SLC4A4: variants seen among roughly 807,000 people sequenced by gnomAD.
SLC4A4 encodes electrogenic sodium bicarbonate cotransporter 1.
SLC4A4 carries 27 observed loss-of-function variants against 111.5 expected under a neutral mutation model. The ratio of observed to expected loss-of-function variants is 0.24; its 90% CI spans 0.18 to 0.33. The LOEUF is 0.33. SLC4A4 is among the 10% of genes least tolerant of loss of function. The probability of loss-of-function intolerance (pLI) is 1.00; values close to 1 mark genes in which losing one functional copy is unlikely to be tolerated. For missense variants in SLC4A4, 909 were observed against 1,315.5 expected, an observed-to-expected ratio of 0.69 and a Z score of 4.78; for synonymous variants, 443 against 463.4, an observed-to-expected ratio of 0.96 and a Z score of 0.57.
intron 6 of SLC4A4, among the ~76,000 whole-genome samples, chr4:71,377,272 G>A (rs1469186523): frequency 6.6e-6 from 1 of 152,180 alleles, no homozygotes; most frequent in Admixed American, 6.5e-5. Flanking sequence ...AATATATGCT[G>A]AATGAATGAA....
intron 1 of SLC4A4, among the ~76,000 whole-genome samples, chr4:71,212,980 T>C (rs1718222085): frequency 6.6e-6 from 1 of 152,240 alleles, no homozygotes; most frequent in African/African-American, 2.4e-5. Flanking sequence ...GTACTTACTA[T>C]TGTATTATAA....
intron 2 of SLC4A4, among the ~76,000 whole-genome samples, chr4:71,157,041 T>C (rs1478515594): frequency 6.6e-6 from 1 of 152,180 alleles, no homozygotes; most frequent in Non-Finnish European, 1.5e-5. Context: ...ATAGCTTAAT[T>C]ATGGCTGGAT....
intron 16 of SLC4A4, among the ~76,000 whole-genome samples, chr4:71,517,228 A>T (rs1033526434): frequency 2.6e-5 from 4 of 151,796 alleles, no homozygotes; most frequent in Non-Finnish European, 4.4e-5. Context: ...CTATAACTTG[A>T]ATATTTGTTC....
At chr4:71,452,176 T>G (rs745448547) in intron 11 of SLC4A4, among the ~76,000 whole-genome samples, 6 of 152,140 alleles carry the variant, frequency 3.9e-5, no homozygotes, top group African/African-American at 7.2e-5. Flanking sequence ...TTCATTCTCC[T>G]GATGACCCAC....
chr4:71,423,226 C>G (rs1267133078), intron 7 of SLC4A4, among the ~76,000 whole-genome samples: 1 of 152,124 alleles, frequency 6.6e-6, no homozygotes, highest in African/African-American at 2.4e-5. Context: ...CATGAGTGAA[C>G]TCCCATTAAC....
chr4:71,404,619 T>A (rs1720671578), intron 7 of SLC4A4, among the ~76,000 whole-genome samples: 1 of 152,182 alleles, frequency 6.6e-6, no homozygotes. Context: ...GATGGACGTA[T>A]ACTCTCACAT....
chr4:71,270,341 C>T (rs111705018), intron 3 of SLC4A4, among the ~76,000 whole-genome samples: 2 of 152,256 alleles, frequency 1.3e-5, no homozygotes, highest in African/African-American at 2.4e-5. Context: ...CCGCCCGCCT[C>T]GGCCTCCCAA....
At chr4:71,102,795 G>A (rs1368266638) in intron 2 of SLC4A4, among the ~76,000 whole-genome samples, 14 of 151,562 alleles carry the variant, frequency 9.2e-5, no homozygotes, top group South Asian at 2.1e-4. Context: ...AGGAACAACC[G>A]GTACCAGCTG....
chr4:71,388,765 G>A (rs1347327700), intron 6 of SLC4A4, among the ~76,000 whole-genome samples: 1 of 152,044 alleles, frequency 6.6e-6, no homozygotes, highest in Non-Finnish European at 1.5e-5. Context: ...TGCTCAGGGT[G>A]GTCTTGAACT....
chr4:71,129,559 A>C (rs55975537), intron 2 of SLC4A4, among the ~76,000 whole-genome samples: 44 of 152,206 alleles, frequency 2.9e-4, no homozygotes, highest in African/African-American at 1.0e-3. Flanking sequence ...CAGTTTGGCA[A>C]TTTCTTAAAG....
intron 2 of SLC4A4, among the ~76,000 whole-genome samples, chr4:71,173,659 GC>G (rs1416918900): frequency 2.0e-5 from 3 of 152,168 alleles, no homozygotes; most frequent in Non-Finnish European, 4.4e-5. Flanking sequence ...ACAGGCATAA[GC>G]CACTGTGCCT....
intron 20 of SLC4A4, among the ~76,000 whole-genome samples, chr4:71,550,940 A>C (rs1001453104): frequency 1.4e-4 from 21 of 151,910 alleles, no homozygotes; most frequent in Admixed American, 4.6e-4. Flanking sequence ...CCTAGCCAGC[A>C]ACAGTCATAC....
chr4:71,290,747 A>G (rs1336995585), intron 3 of SLC4A4, among the ~76,000 whole-genome samples: 1 of 152,146 alleles, frequency 6.6e-6, no homozygotes, highest in East Asian at 1.9e-4. Flanking sequence ...GGTGATTTTT[A>G]TATTATGTGG....
intron 2 of SLC4A4, among the ~76,000 whole-genome samples, chr4:71,243,974 A>AT (rs1176929385): frequency 6.6e-6 from 1 of 152,178 alleles, no homozygotes; most frequent in African/African-American, 2.4e-5. Flanking sequence ...GAGGTTTTAA[A>AT]TTTTAGTAAC....
intron 1 of SLC4A4, among the ~76,000 whole-genome samples, chr4:71,078,128 T>C (rs1008491382): frequency 3.3e-5 from 5 of 152,184 alleles, no homozygotes; most frequent in Non-Finnish European, 7.4e-5. Flanking sequence ...AGGAGTACTA[T>C]GGTCTCATAA....
At chr4:71,242,998 A>C (rs1377459006) in intron 2 of SLC4A4, among the ~76,000 whole-genome samples, 1 of 152,128 alleles carries the variant, frequency 6.6e-6, no homozygotes, top group Non-Finnish European at 1.5e-5. Context: ...TATGAAATCT[A>C]ATTTTCACAG....
chr4:71,122,313 C>CA lies in SLC4A4; in HGVS notation c.-2+29544dup, dbSNP rs10611413. 4.1e-3 allele frequency among the ~76,000 whole-genome samples: 479 copies of CA among 117,290 alleles called. 6 individuals are homozygous for CA. The highest frequency in any genetic ancestry group is 0.02 in the South Asian group (72 of 3,528). 76.9% of individuals were successfully genotyped at this position (117,290 alleles called of 152,430 possible). A position where few individuals can be genotyped will look rare whatever the true frequency, so the allele number is the denominator to read the frequency against. On this transcript the variant is annotated intron_variant, in intron 2 of 26. Coordinates refer to the SLC4A4 transcript ENST00000649996. Reference sequence around the variant, plus strand: ...GGAAGACAAAAGCAAGACTCTGTCTCAAAAAAAAAAAAAAAAAAAAAAATT... The same window carrying CA: ...GGAAGACAAAAGCAAGACTCTGTCTCAAAAAAAAAAAAAAAAAAAAAAAATT...
intron 14 of SLC4A4, among the ~76,000 whole-genome samples, chr4:71,483,024 G>T (rs921022213): frequency 1.3e-5 from 2 of 151,578 alleles, no homozygotes; most frequent in African/African-American, 4.8e-5. Flanking sequence ...GAAATACAGT[G>T]TAAGAAAATG....
At chr4:71,409,844 G>A (rs1420344940) in intron 7 of SLC4A4, among the ~76,000 whole-genome samples, 1 of 152,174 alleles carries the variant, frequency 6.6e-6, no homozygotes, top group Non-Finnish European at 1.5e-5. Flanking sequence ...CCACACCCGG[G>A]GTCCCCGTGC....
Sources: allele counts gnomAD v4.1 joint callset (sites outside exome capture counted in the v4.1 genomes callset), GRCh38; gene constraint gnomAD v4.1.1; transcripts MANE v1.5; gene names NCBI Gene and HGNC (gene_info 2026-07-23, HGNC 2026-07-21).